The following ITGA2 variants were observed in gnomAD, a reference collection of about 807,000 sequenced individuals.
ITGA2 encodes the protein integrin subunit alpha 2.
In ITGA2, 101 loss-of-function variants were observed where a neutral mutation model predicts 146.3. That is an observed-to-expected ratio of 0.69 (90% CI 0.59 to 0.81). ITGA2 has a LOEUF of 0.81. ITGA2 is among the 40% of genes least tolerant of loss of function. The pLI is 0.00. For synonymous variants in ITGA2, 477 were observed against 487.1 expected, an observed-to-expected ratio of 0.98 and a Z score of 0.27; for missense variants, 1,281 against 1,402.7, an observed-to-expected ratio of 0.91 and a Z score of 1.39.
At chr5:53,042,281 A>T in intron 3 of ITGA2, 60 bp downstream of exon 3, 1 of 1,030,594 alleles carries the variant, frequency 9.7e-7, no homozygotes, top group South Asian at 1.3e-5. Context: ...GAAAAATAAC[A>T]TCAGAACAAT....
In ITGA2 at chr5:53,051,684, AC is replaced by A. The variant is rs72563720; in HGVS notation, c.779+126del. Reference sequence around the variant, plus strand: ...TACCTGGTACCTAATTTAAATCAGAACTAATAAAGAAAAAAACATCAGAGCA... The same window carrying A: ...TACCTGGTACCTAATTTAAATCAGAATAATAAAGAAAAAAACATCAGAGCA... On this transcript the variant is annotated intron_variant, in intron 7 of 29. Coordinates refer to ENST00000296585, the MANE Select transcript of ITGA2 (RefSeq NM_002203.4). 2.0e-3 allele frequency: 1,948 copies of A among 973,194 alleles called. 35 individuals carry two copies. In the South Asian group the frequency reaches 0.024, roughly 12 times the overall value. 60.3% of individuals were successfully genotyped at this position (973,194 alleles called of 1,614,324 possible).
chr5:53,032,583 G>C (rs1743276830), intron 2 of ITGA2, among the ~76,000 whole-genome samples: 1 of 152,156 alleles, frequency 6.6e-6, no homozygotes, highest in African/African-American at 2.4e-5. Context: ...ACATATTTTT[G>C]TAAGTATCCA....
In ITGA2 at chr5:53,055,698, T is replaced by C; in HGVS notation, c.930+10T>C. ...GAGGTTTGGCATAGCAGTAAGTGGC[T>C]TTTCTTTTCACTTGTCTTGCCGCTA... On this transcript the variant is annotated intron_variant, in intron 8 of 29. Coordinates refer to ENST00000296585, the MANE Select transcript of ITGA2 (RefSeq NM_002203.4). 6.2e-7 allele frequency: 1 copy of C among 1,612,736 alleles called. No homozygotes were observed. Among genetic ancestry groups the C allele is most frequent in the Non-Finnish European group, 8.5e-7 (1 of 1,179,176 alleles).
At chr5:53,047,690 A>G (rs1483853787) in intron 4 of ITGA2, among the ~76,000 whole-genome samples, 2 of 152,214 alleles carry the variant, frequency 1.3e-5, no homozygotes, top group Non-Finnish European at 2.9e-5. Context: ...GGCAGAAAAC[A>G]TAGTGGTCTG....
At chr5:53,090,169 G>A in intron 29 of ITGA2, 107 bp downstream of exon 29, 1 of 762,420 alleles carries the variant, frequency 1.3e-6, no homozygotes, top group Non-Finnish European at 2.3e-6. Context: ...TCTATCACAA[G>A]GAGAAAAGAA....
At chr5:53,086,845 C>T in intron 27 of ITGA2, 107 bp from the exon 28 acceptor site, 1 of 908,426 alleles carries the variant, frequency 1.1e-6, no homozygotes, top group Non-Finnish European at 1.8e-6. Flanking sequence ...GAACCATTTG[C>T]TCTTGTCACA....
At chr5:53,043,716 G>T (rs560025490) in intron 3 of ITGA2, among the ~76,000 whole-genome samples, 1 of 152,162 alleles carries the variant, frequency 6.6e-6, no homozygotes. Flanking sequence ...GAACATGGAG[G>T]CAGCAGTAAA....
intron 20 of ITGA2, 92 bp downstream of exon 20, chr5:53,073,351 C>T: frequency 7.4e-7 from 1 of 1,351,172 alleles, no homozygotes; most frequent in Non-Finnish European, 1.1e-6. Context: ...TAAAGAAGCA[C>T]CTTAACCCTC....
rs752781146 is a variant in ITGA2, at chr5:53,060,924, A to T, written c.1336A>T (p.Thr446Ser). ...YLGYSVAAIS[T>S]GESTHFVAGA... ...AGGTTACTCTGTGGCTGCAATTTCT[A>T]CTGGAGAAAGCACTCACTTTGTTGC... Residue 446 changes from threonine to serine, a missense_variant, in exon 12 of 30, where the codon ACT becomes TCT. Coordinates refer to ENST00000296585, the MANE Select transcript of ITGA2 (RefSeq NM_002203.4). 31 of 1,612,314 alleles carry T rather than the reference A, an allele frequency of 1.9e-5. No homozygotes were observed. The South Asian group carries it at 3.3e-4, about 17-fold the overall frequency.
chr5:53,077,148 C>T (rs1464157800), intron 23 of ITGA2, among the ~76,000 whole-genome samples: 1 of 152,078 alleles, frequency 6.6e-6, no homozygotes, highest in Non-Finnish European at 1.5e-5. Flanking sequence ...CATATGAGGA[C>T]ATACAGATCT....
intron 1 of ITGA2, among the ~76,000 whole-genome samples, chr5:53,013,810 A>T (rs533867106): frequency 8.4e-4 from 128 of 151,978 alleles, no homozygotes; most frequent in Non-Finnish European, 1.4e-3. Context: ...CTCTGTAGAG[A>T]TCTTTCACTT....
At position 53,056,106 on chromosome 5, in the gene ITGA2, A is replaced by G. The variant is rs759679719; in HGVS notation, c.1053A>G (p.Leu351=). The part of the protein sequence containing the change: ...FFNVSDEAAL[L]EKAGTLGEQI... ...ATGTGTCTGATGAAGCAGCTCTACT[A>G]GAAAAGGCTGGGACATTAGGAGAAC... Residue 351 remains leucine (L), a synonymous_variant, in exon 9 of 30, where the codon CTA becomes CTG. Transcript: ENST00000296585. The G allele has an allele frequency of 6.2e-7, 1 of 1,612,082 alleles. No individual in the cohort carries two copies. Among genetic ancestry groups the G allele is most frequent in the Non-Finnish European group, 8.5e-7 (1 of 1,178,864 alleles).
Position 53,033,764 on chromosome 5 carries a change from A to AT in ITGA2, c.185+6913dup, listed in dbSNP as rs138567152. On this transcript the variant is annotated intron_variant, in intron 2 of 29. Transcript: ENST00000296585. ...AGGCATGTGCCACCATACTAGGCTA[A>AT]TTTTTTTTTTTTTTTTTGAGACGGA... 1.8e-3 allele frequency among the ~76,000 whole-genome samples: 245 copies of AT among 135,862 alleles called. 4 individuals carry two copies. The South Asian group carries it at 0.022, about 12-fold the overall frequency. 89.1% of individuals were successfully genotyped at this position (135,862 alleles called of 152,430 possible). A position where few individuals can be genotyped will look rare whatever the true frequency, so the allele number is the denominator to read the frequency against.
rs1355403467 is a variant in ITGA2, at chr5:53,048,395, G to A, written c.420G>A (p.Gly140=). 6.2e-7 allele frequency: 1 copy of A among 1,614,106 alleles called. No homozygotes were observed. Among genetic ancestry groups the A allele is most frequent in the Admixed American group, 1.7e-5 (1 of 60,016 alleles). The part of the protein sequence containing the change: ...TCGPLWAQQC[G]NQYYTTGVCS... ...GTCCTCTGTGGGCACAGCAATGTGG[G>A]AATCAGTATTACACAACGGGTGTGT... is the stretch of plus-strand genomic sequence containing the variant. Residue 140 remains glycine, a synonymous_variant, in exon 5 of 30, where the codon GGG becomes GGA. Transcript: ENST00000296585.
chr5:52,993,062 C>T (rs1423446886), intron 1 of ITGA2, among the ~76,000 whole-genome samples: 1 of 152,196 alleles, frequency 6.6e-6, no homozygotes, highest in Non-Finnish European at 1.5e-5. Flanking sequence ...CCTTTTCACT[C>T]ATCTCTTTGC....
intron 3 of ITGA2, 65 bp from the exon 4 acceptor site, chr5:53,044,936 T>C: frequency 8.3e-7 from 1 of 1,200,706 alleles, no homozygotes; most frequent in Non-Finnish European, 1.2e-6. Flanking sequence ...GCCTGTTTTC[T>C]TTTAATATCT....
At chr5:53,062,328 C>T (rs755001725) in intron 12 of ITGA2, among the ~76,000 whole-genome samples, 1 of 151,886 alleles carries the variant, frequency 6.6e-6, no homozygotes, top group Non-Finnish European at 1.5e-5. Context: ...GCCTCTATTA[C>T]AATTTATTTT....
At chr5:53,074,531 C>A in intron 21 of ITGA2, 54 bp downstream of exon 21, 1 of 1,306,560 alleles carries the variant, frequency 7.7e-7, no homozygotes, top group Non-Finnish European at 1.1e-6. Flanking sequence ...AGCACATATG[C>A]TAATTTACCA....
chr5:53,009,016 CCAGA>C (rs1431814837), intron 1 of ITGA2, among the ~76,000 whole-genome samples: 3 of 152,012 alleles, frequency 2.0e-5, no homozygotes, highest in Non-Finnish European at 2.9e-5. Context: ...ATGAAGGGGC[CCAGA>C]CAGACACCTG....
Sources: allele counts gnomAD v4.1 joint callset (sites outside exome capture counted in the v4.1 genomes callset), GRCh38; gene constraint gnomAD v4.1.1; transcripts MANE v1.5; gene names NCBI Gene and HGNC (gene_info 2026-07-23, HGNC 2026-07-21).